Variants in TNFAIP8 observed in about 807,000 individuals in gnomAD.
The protein encoded by TNFAIP8 is TNF alpha induced protein 8, also known as tumor necrosis factor alpha-induced protein 8.
In TNFAIP8, 7 loss-of-function variants were observed where a neutral mutation model predicts 13.3. The observed-to-expected ratio is 0.52, with a 90% CI of 0.30 to 0.99. The LOEUF is 0.99. Ranked by LOEUF, TNFAIP8 falls within the 50% of genes least tolerant of loss-of-function variation. The pLI is 0.07. For synonymous variants in TNFAIP8, 94 were observed against 87.6 expected, an observed-to-expected ratio of 1.07 and a Z score of -0.41; for missense variants, 258 against 236.9, an observed-to-expected ratio of 1.09 and a Z score of -0.58.
At chr5:119,386,197 G>A (rs1425517851) in intron 1 of TNFAIP8, among the ~76,000 whole-genome samples, 2 of 152,140 alleles carry the variant, frequency 1.3e-5, no homozygotes, top group Non-Finnish European at 2.9e-5. Flanking sequence ...TTTTTAAGAG[G>A]ATAAATTCAT....
At chr5:119,324,932 G>T (rs967887184) in intron 1 of TNFAIP8, among the ~76,000 whole-genome samples, 1 of 152,056 alleles carries the variant, frequency 6.6e-6, no homozygotes, top group Admixed American at 6.5e-5. Context: ...TGCAAGATCG[G>T]TTTTAAAGAT....
At chr5:119,287,807 T>G (rs188759889) in intron 1 of TNFAIP8, among the ~76,000 whole-genome samples, 3 of 152,366 alleles carry the variant, frequency 2.0e-5, no homozygotes, top group Admixed American at 2.0e-4. Context: ...AATTAGAACA[T>G]TTCCTTGAAA....
At chr5:119,332,082 C>A (rs1024358605) in intron 1 of TNFAIP8, among the ~76,000 whole-genome samples, 1 of 152,108 alleles carries the variant, frequency 6.6e-6, no homozygotes, top group Non-Finnish European at 1.5e-5. Flanking sequence ...AGTGTCATAT[C>A]GCTATGAGTT....
At chr5:119,337,409 A>C (rs1001705445) in intron 1 of TNFAIP8, among the ~76,000 whole-genome samples, 3 of 152,086 alleles carry the variant, frequency 2.0e-5, no homozygotes, top group African/African-American at 7.2e-5. Context: ...CTTTCAGTAA[A>C]ATTGCCTGTC....
intron 1 of TNFAIP8, among the ~76,000 whole-genome samples, chr5:119,280,063 A>T (rs1389172479): frequency 6.6e-6 from 1 of 152,184 alleles, no homozygotes; most frequent in South Asian, 2.1e-4. Context: ...ATTGTAAAAC[A>T]TAAATATCAA....
At chr5:119,270,497 A>G (rs941937428) in intron 1 of TNFAIP8, among the ~76,000 whole-genome samples, 6 of 152,190 alleles carry the variant, frequency 3.9e-5, no homozygotes, top group Admixed American at 1.3e-4. Flanking sequence ...CCTGGGCTCA[A>G]GTGATCCTCC....
rs568400207 is a variant in TNFAIP8 at position 119,359,311 on chromosome 5, C to G, written c.31+3190C>G. Among the ~76,000 whole-genome samples the G allele has an allele frequency of 4.6e-5, 7 of 152,300 alleles. No individual in the cohort carries two copies. The South Asian group carries it at 1.5e-3, about 32-fold the overall frequency. ...CACCTGACCTCCTTTTCTTGGTCAG[C>G]TCTTTAAAGAGGCTTTTTCTGAACC... On this transcript the variant is annotated intron_variant, in intron 1 of 1. Coordinates refer to ENST00000504771, the MANE Select transcript of TNFAIP8 (RefSeq NM_014350.4).
chr5:119,282,611 G>A (rs913488603), intron 1 of TNFAIP8, among the ~76,000 whole-genome samples: 2 of 152,192 alleles, frequency 1.3e-5, no homozygotes, highest in Admixed American at 6.5e-5. Context: ...GGCCACTGTG[G>A]TCCCCACGCC....
intron 1 of TNFAIP8, among the ~76,000 whole-genome samples, chr5:119,275,251 C>A (rs752351687): frequency 5.3e-5 from 8 of 152,020 alleles, no homozygotes; most frequent in Non-Finnish European, 1.0e-4. Context: ...TAGTGGTGTC[C>A]CACAAATAGA....
intron 1 of TNFAIP8, among the ~76,000 whole-genome samples, chr5:119,304,681 T>C (rs76685072): frequency 0.031 from 4,675 of 152,322 alleles, 191 homozygotes; most frequent in African/African-American, 0.093. Context: ...ACATAACTGT[T>C]CCTGTTTTCT....
intron 1 of TNFAIP8, among the ~76,000 whole-genome samples, chr5:119,297,627 T>G (rs560898214): frequency 1.9e-3 from 287 of 152,344 alleles, no homozygotes; most frequent in African/African-American, 6.6e-3. Context: ...TAGGTCCGCT[T>G]GGTGCAGAGC....
chr5:119,351,519 G>A (rs545377481), upstream of TNFAIP8, among the ~76,000 whole-genome samples: 2 of 152,206 alleles, frequency 1.3e-5, no homozygotes, highest in African/African-American at 4.8e-5. Context: ...TAAGTGTTCC[G>A]AACACATTTT....
At chr5:119,271,817 C>T (rs1748301249) in intron 1 of TNFAIP8, among the ~76,000 whole-genome samples, 1 of 152,214 alleles carries the variant, frequency 6.6e-6, no homozygotes, top group Admixed American at 6.5e-5. Flanking sequence ...ACACTGCCCA[C>T]ATCCTGCATT....
chr5:119,277,199 G>A (rs898965229), intron 1 of TNFAIP8, among the ~76,000 whole-genome samples: 1 of 152,084 alleles, frequency 6.6e-6, no homozygotes, highest in Non-Finnish European at 1.5e-5. Context: ...CCATAGATAC[G>A]GGGGACTACT....
At chr5:119,281,404 T>C (rs756747453) in intron 1 of TNFAIP8, among the ~76,000 whole-genome samples, 4 of 152,036 alleles carry the variant, frequency 2.6e-5, no homozygotes, top group Non-Finnish European at 5.9e-5. Context: ...AGTTCAAGAC[T>C]ATAGGGTTTC....
At chr5:119,329,288 A>C (rs534186526) in intron 1 of TNFAIP8, among the ~76,000 whole-genome samples, 4 of 152,340 alleles carry the variant, frequency 2.6e-5, no homozygotes, top group South Asian at 2.1e-4. Flanking sequence ...CACAATTTAT[A>C]CTTAAAACAT....
At chr5:119,359,088 C>T (rs1419838019) in intron 1 of TNFAIP8, among the ~76,000 whole-genome samples, 2 of 152,202 alleles carry the variant, frequency 1.3e-5, no homozygotes, top group Admixed American at 1.3e-4. Flanking sequence ...TCATCTCCGT[C>T]CACATCTATC....
At chr5:119,320,079 C>T (rs986061070) in intron 1 of TNFAIP8, among the ~76,000 whole-genome samples, 7 of 152,200 alleles carry the variant, frequency 4.6e-5, no homozygotes, top group Admixed American at 2.0e-4. Context: ...GTTGTCAAGA[C>T]GACTACTGGG....
intron 1 of TNFAIP8, among the ~76,000 whole-genome samples, chr5:119,274,939 T>C (rs999569136): frequency 5.3e-5 from 8 of 151,630 alleles, no homozygotes; most frequent in African/African-American, 1.2e-4. Context: ...GGGAGACTTA[T>C]GTGACTCATT....
Sources: allele counts gnomAD v4.1 joint callset (sites outside exome capture counted in the v4.1 genomes callset), GRCh38; gene constraint gnomAD v4.1.1; transcripts MANE v1.5; gene names NCBI Gene and HGNC (gene_info 2026-07-23, HGNC 2026-07-21).